Variants in PDE9A observed in about 807,000 individuals in gnomAD.
PDE9A encodes the protein phosphodiesterase 9A.
PDE9A carries 60 observed loss-of-function variants against 87.4 expected under a neutral mutation model. The observed-to-expected ratio is 0.69, with a 90% CI of 0.56 to 0.85. PDE9A has a LOEUF of 0.85. PDE9A is among the 40% of genes least tolerant of loss of function. PDE9A has a pLI of 0.00. For missense variants in PDE9A, 665 were observed against 779.0 expected (o/e 0.85, Z 1.74); for synonymous variants, 272 against 279.4 (o/e 0.97, Z 0.27).
chr21:42,769,347 G>GCA lies in PDE9A; in HGVS notation c.1590+201_1590+202dup, dbSNP rs1048576315. The stretch of plus-strand genomic sequence containing the variant: ...CACACACGCACACAGCTACACACAG[G>GCA]CACACACACAGGCACACACTTGTGC... On this transcript the variant is annotated intron_variant, in intron 17 of 19. Transcript: ENST00000291539. 5.4e-3 allele frequency among the ~76,000 whole-genome samples: 801 copies of GCA among 148,456 alleles called. 10 individuals are homozygous for GCA. Among genetic ancestry groups the GCA allele is most frequent in the African/African-American group, 0.019 (767 of 39,970 alleles).
chr21:42,745,575 G>A (rs577683777), intron 8 of PDE9A, among the ~76,000 whole-genome samples: 4 of 152,350 alleles, frequency 2.6e-5, no homozygotes, highest in South Asian at 2.1e-4. Flanking sequence ...GCTGGGACCC[G>A]GCTTGGCAGC....
chr21:42,762,864 G>A lies in PDE9A; in HGVS notation c.1242+625G>A, dbSNP rs975056514. Among the ~76,000 whole-genome samples the A allele has an allele frequency of 6.6e-5, 10 of 152,026 alleles. No individual in the cohort carries two copies. The South Asian group carries it at 8.3e-4, about 13-fold the overall frequency. ...TGCGCCACCAAGCCGGCTAATTTTCGGTATTTTTAATAGAGACGGGGTTTC... is the reference window on the plus strand; with the variant it reads ...TGCGCCACCAAGCCGGCTAATTTTCAGTATTTTTAATAGAGACGGGGTTTC... On this transcript the variant is annotated intron_variant, in intron 14 of 19. Coordinates refer to ENST00000291539, the MANE Select transcript of PDE9A (RefSeq NM_002606.3).
chr21:42,748,914 T>C (rs925479697), intron 8 of PDE9A, among the ~76,000 whole-genome samples: 2 of 152,248 alleles, frequency 1.3e-5, no homozygotes, highest in African/African-American at 4.8e-5. Context: ...ATAGCATTCT[T>C]ATTTTCCCTT....
At chr21:42,670,705 A>G (rs1437799001) in intron 1 of PDE9A, among the ~76,000 whole-genome samples, 2 of 151,612 alleles carry the variant, frequency 1.3e-5, no homozygotes, top group African/African-American at 2.4e-5. Flanking sequence ...ACACTCACAC[A>G]TACACTTACA....
intron 7 of PDE9A, among the ~76,000 whole-genome samples, chr21:42,740,750 A>AGATAGAT (rs1555934632): frequency 8.1e-6 from 1 of 123,536 alleles, no homozygotes; most frequent in African/African-American, 3.0e-5. Flanking sequence ...ATAGATAGAT[A>AGATAGAT]AACAGGATAG....
intron 1 of PDE9A, among the ~76,000 whole-genome samples, chr21:42,680,873 T>G (rs992768048): frequency 6.6e-6 from 1 of 152,196 alleles, no homozygotes; most frequent in African/African-American, 2.4e-5. Flanking sequence ...CCGGAAACGC[T>G]GCAGATTGCG....
intron 13 of PDE9A, 119 bp from the exon 14 acceptor site, chr21:42,761,963 GC>G: frequency 1.0e-6 from 1 of 1,002,236 alleles, no homozygotes; most frequent in Non-Finnish European, 1.5e-6. Flanking sequence ...AGCTCCCCCA[GC>G]CCCCACGGCA....
In PDE9A at chr21:42,723,486, T is replaced by G. The variant is rs1390625459; in HGVS notation, c.263-8284T>G. ...AGAGGAGCCTACCTAAACCTGTCAT[T>G]ACAACTGATTGATCCTTGGTGTAGT... On this transcript the variant is annotated intron_variant, in intron 4 of 19. Coordinates refer to ENST00000291539, the MANE Select transcript of PDE9A (RefSeq NM_002606.3). The surrounding 1 kb of genome is among the most constrained non-coding windows in gnomAD (Gnocchi z 4.3). Among the ~76,000 whole-genome samples the G allele has an allele frequency of 6.6e-6, 1 of 152,206 alleles. No homozygotes were observed. Among genetic ancestry groups the G allele is most frequent in the Non-Finnish European group, 1.5e-5 (1 of 68,042 alleles).
chr21:42,752,444 T>C (rs570100519), intron 9 of PDE9A, among the ~76,000 whole-genome samples: 21 of 152,258 alleles, frequency 1.4e-4, no homozygotes, highest in Non-Finnish European at 2.8e-4. Context: ...AATTACTGTA[T>C]TTTTAGTAGA....
At chr21:42,654,615 C>T (rs1189463676) in intron 1 of PDE9A, among the ~76,000 whole-genome samples, 1 of 152,184 alleles carries the variant, frequency 6.6e-6, no homozygotes, top group Non-Finnish European at 1.5e-5. Context: ...CCTCAAACCT[C>T]AGCTGGGCGT....
chr21:42,753,233 T>A (rs2054617840), intron 9 of PDE9A, among the ~76,000 whole-genome samples: 1 of 152,206 alleles, frequency 6.6e-6, no homozygotes, highest in Non-Finnish European at 1.5e-5. Flanking sequence ...CTTGAACTCC[T>A]GACCTCAGGT....
At chr21:42,666,213 G>A (rs939285952) in intron 1 of PDE9A, among the ~76,000 whole-genome samples, 2 of 152,226 alleles carry the variant, frequency 1.3e-5, no homozygotes. Context: ...CCGGAAGGGC[G>A]TGGCTATCAG....
At chr21:42,681,151 C>T (rs2059145391) in intron 1 of PDE9A, among the ~76,000 whole-genome samples, 4 of 152,208 alleles carry the variant, frequency 2.6e-5, no homozygotes, top group Non-Finnish European at 5.9e-5. Context: ...GGAGTTGATG[C>T]CATCAACCCT....
Position 42,706,134 on chromosome 21 carries a change from C to T in PDE9A, c.262+7123C>T, listed in dbSNP as rs142801052. Among the ~76,000 whole-genome samples, 661 of 152,316 alleles carry T rather than the reference C, an allele frequency of 4.3e-3. 3 individuals carry two copies. Among genetic ancestry groups the T allele is most frequent in the African/African-American group, 0.014 (579 of 41,576 alleles). ...GGTTTTGGGGGCAGCCATGGAACCC[C>T]GGAGCTGCCCCCACATGAGAGTTCC... On this transcript the variant is annotated intron_variant, in intron 4 of 19. Coordinates refer to ENST00000291539, the MANE Select transcript of PDE9A (RefSeq NM_002606.3).
At position 42,670,519 on chromosome 21, in the gene PDE9A, G is replaced by C. The variant is rs547054095; in HGVS notation, c.70-15673G>C. ...ACGCACTCACACCTTCACACACACA[G>C]GCAATCACACATTCACACTCACGTA... On this transcript the variant is annotated intron_variant, in intron 1 of 19. Coordinates refer to ENST00000291539, the MANE Select transcript of PDE9A (RefSeq NM_002606.3). Among the ~76,000 whole-genome samples the C allele has an allele frequency of 9.2e-5, 13 of 140,768 alleles. No individual in the cohort carries two copies. In the East Asian group the frequency reaches 2.9e-3, roughly 31 times the overall value. 92.3% of individuals were successfully genotyped at this position (140,768 alleles called of 152,430 possible).
At chr21:42,707,734 C>G (rs1283144687) in intron 4 of PDE9A, among the ~76,000 whole-genome samples, 2 of 152,188 alleles carry the variant, frequency 1.3e-5, no homozygotes, top group Non-Finnish European at 2.9e-5. Context: ...GATGAAATAG[C>G]CTTAGGAGAG....
chr21:42,710,182 C>A (rs139206774), intron 4 of PDE9A, among the ~76,000 whole-genome samples: 1 of 151,650 alleles, frequency 6.6e-6, no homozygotes, highest in Non-Finnish European at 1.5e-5. Flanking sequence ...CCGAGGCGGG[C>A]GGATCACTTG....
intron 4 of PDE9A, among the ~76,000 whole-genome samples, chr21:42,719,235 C>G (rs2050242468): frequency 6.6e-6 from 1 of 151,818 alleles, no homozygotes; most frequent in Non-Finnish European, 1.5e-5. Flanking sequence ...TTTCCATCCT[C>G]TCTGACAACC....
chr21:42,661,219 C>T (rs563234685), intron 1 of PDE9A, among the ~76,000 whole-genome samples: 3 of 151,944 alleles, frequency 2.0e-5, no homozygotes, highest in South Asian at 2.1e-4. Flanking sequence ...TTAGTAGAGA[C>T]GGGGTTTCAG....
Sources: gnomAD v4.1 joint callset for allele counts (sites outside exome capture counted in the v4.1 genomes callset) on GRCh38, gnomAD v4.1.1 for gene constraint, Gnocchi (gnomAD v3.1) non-coding constraint, MANE v1.5 for transcripts, NCBI Gene and HGNC (gene_info 2026-07-23, HGNC 2026-07-21) for gene names.